The following GJA5 variants were observed in gnomAD, a reference collection of about 807,000 sequenced individuals.
The protein encoded by GJA5 is gap junction protein alpha 5.
A neutral mutation model predicts 7.9 loss-of-function variants in GJA5; 3 were observed. The observed-to-expected ratio is 0.38, with a 90% confidence interval of 0.17 to 0.99. The LOEUF (loss-of-function observed/expected upper bound fraction) is 0.99, where lower values mean the gene tolerates loss of function less well. Among genes scored for constraint, GJA5 ranks in the 50% least tolerant of loss-of-function variants. The probability of loss-of-function intolerance (pLI) is 0.38; values close to 1 mark genes in which losing one functional copy is unlikely to be tolerated. For synonymous variants in GJA5, 193 were observed against 181.0 expected, an observed-to-expected ratio of 1.07 and a Z score of -0.53; for missense variants, 390 against 457.9, an observed-to-expected ratio of 0.85 and a Z score of 1.35.
intron 1 of GJA5, among the ~76,000 whole-genome samples, chr1:147,760,246 C>T (rs1663946452): frequency 6.6e-6 from 1 of 152,128 alleles, no homozygotes; most frequent in Admixed American, 6.5e-5. Flanking sequence ...ACTTTATGTC[C>T]CTTACAAAAT....
chr1:147,758,409 C>A lies in GJA5; in HGVS notation c.830G>T (p.Gly277Val), dbSNP rs281860596. Residue 277 changes from glycine (G) to valine (V), a missense_variant, in exon 2 of 2, where the codon GGA becomes GTA. Physicochemically the swap from Gly to Val is moderately radical, Grantham distance 109. Around this residue, in one of 2 missense-constraint regions of GJA5, gnomAD observed 354 missense variants for 370.9 expected, o/e 0.95. Transcript: ENST00000579774. ...ATTGCTGAAGGGATTGAAGAATTTTCCCCCAGGGCCATTCTCCAGGCACTG... is the reference window on the plus strand; with the variant it reads ...ATTGCTGAAGGGATTGAAGAATTTTACCCCAGGGCCATTCTCCAGGCACTG... ...FNQCLENGPG[G>V]KFFNPFSNNM... 6.2e-7 allele frequency: 1 copy of A among 1,614,076 alleles called. No homozygotes were observed. Among genetic ancestry groups the A allele is most frequent in the Non-Finnish European group, 8.5e-7 (1 of 1,179,948 alleles).
intron 1 of GJA5, among the ~76,000 whole-genome samples, chr1:147,769,166 C>T (rs1415700589): frequency 6.6e-6 from 1 of 152,254 alleles, no homozygotes; most frequent in Non-Finnish European, 1.5e-5. Flanking sequence ...CCTCTGCCAT[C>T]ATTTGGCCAG....
At chr1:147,768,621 T>C (rs1664292742) in intron 1 of GJA5, among the ~76,000 whole-genome samples, 1 of 152,154 alleles carries the variant, frequency 6.6e-6, no homozygotes. Flanking sequence ...TCAATCAAAC[T>C]CAACTCCTTA....
chr1:147,771,855 G>A (rs901444516), intron 1 of GJA5, among the ~76,000 whole-genome samples: 17 of 152,160 alleles, frequency 1.1e-4, no homozygotes, highest in African/African-American at 3.6e-4. Flanking sequence ...CAGCTCTGCC[G>A]CCGGGCAACT....
chr1:147,772,080 C>T (rs946606560), intron 1 of GJA5, among the ~76,000 whole-genome samples: 10 of 152,270 alleles, frequency 6.6e-5, no homozygotes, highest in East Asian at 3.9e-4. Flanking sequence ...CACCTCCACA[C>T]GCTCCCCTTG....
In GJA5 at chr1:147,757,317, G is replaced by C. The variant is rs1423539550; in HGVS notation, c.*845C>G. On this transcript the variant is annotated 3_prime_UTR_variant, in exon 2 of 2. Transcript: ENST00000579774. ...GGAATGGCTGGGTGAACAGCCAAGG[G>C]AGAAAGGGAAGGGATGGTTTCTATC... The C allele has an allele frequency of 6.6e-6, 1 of 152,360 alleles. No homozygotes were observed. The highest frequency in any genetic ancestry group is 1.5e-5 in the Non-Finnish European group (1 of 68,154). The allele number at this position is 152,360 out of a possible 1,614,324, so 9.4% of individuals were successfully genotyped here. A position where few individuals can be genotyped will look rare whatever the true frequency, so the allele number is the denominator to read the frequency against.
At position 147,758,074 on chromosome 1, in the gene GJA5, T is replaced by C. The variant is rs1305653466; in HGVS notation, c.*88A>G. 1 of 925,458 alleles carries C rather than the reference T, an allele frequency of 1.1e-6. No individual in the cohort carries two copies. Among genetic ancestry groups the C allele is most frequent in the African/African-American group, 1.6e-5 (1 of 61,838 alleles). 57.3% of individuals were successfully genotyped at this position (925,458 alleles called of 1,614,324 possible). On this transcript the variant is annotated 3_prime_UTR_variant, in exon 2 of 2. Coordinates refer to ENST00000579774, the MANE Select transcript of GJA5 (RefSeq NM_181703.4). Reference sequence around the variant, plus strand: ...CAAAGGAGCCAAGCAGTGATGACAGTGAGAAAGCATCAGTTCAGAAGGGAC... The same window carrying C: ...CAAAGGAGCCAAGCAGTGATGACAGCGAGAAAGCATCAGTTCAGAAGGGAC...
chr1:147,759,337 A>G (rs1018844603), intron 1 of GJA5, 66 bp from the exon 2 acceptor site: 39 of 886,640 alleles, frequency 4.4e-5, no homozygotes, highest in Non-Finnish European at 6.2e-5. Flanking sequence ...TGGAATGTCT[A>G]TCATGTTCTG....
intron 1 of GJA5, among the ~76,000 whole-genome samples, chr1:147,767,580 T>TTA (rs1491074423): frequency 6.7e-6 from 1 of 149,058 alleles, no homozygotes; most frequent in Non-Finnish European, 1.5e-5. Context: ...TTTTTTTTTT[T>TTA]AGAGATGGGG....
At chr1:147,761,925 A>G (rs895531275), upstream of GJA5, among the ~76,000 whole-genome samples, 1 of 152,224 alleles carries the variant, frequency 6.6e-6, no homozygotes, top group African/African-American at 2.4e-5. Context: ...AGACAGATGC[A>G]GGAGTTAGCT....
upstream of GJA5, among the ~76,000 whole-genome samples, chr1:147,764,244 TAA>T (rs1571074068): frequency 6.6e-6 from 1 of 152,188 alleles, no homozygotes; most frequent in South Asian, 2.1e-4. Context: ...GCAAAATGGA[TAA>T]GTCTTCTAAA....
intron 1 of GJA5, 100 bp from the exon 2 acceptor site, chr1:147,759,371 A>AAT (rs1189276486): frequency 1.4e-6 from 1 of 711,272 alleles, no homozygotes; most frequent in Non-Finnish European, 2.5e-6. Flanking sequence ...CCATCCATCC[A>AAT]ATGGGTTCTT....
chr1:147,772,789 G>GAAAAAAAAA (rs10687653), intron 1 of GJA5, among the ~76,000 whole-genome samples: 1 of 125,936 alleles, frequency 7.9e-6, no homozygotes, highest in Admixed American at 8.5e-5. Context: ...GCCTTAGGGA[G>GAAAAAAAAA]AAAAAAAAAA....
chr1:147,758,326 C>T lies in GJA5; in HGVS notation c.913G>A (p.Glu305Lys), dbSNP rs782422906. 3 of 1,614,166 alleles carry T rather than the reference C, an allele frequency of 1.9e-6. No individual in the cohort carries two copies. Among genetic ancestry groups the T allele is most frequent in the East Asian group, 4.5e-5 (2 of 44,874 alleles). Reference protein sequence around the residue: ...NLVTEQVRGQEQTPGEGFIQV... With the variant: ...NLVTEQVRGQKQTPGEGFIQV... ...ATGAAACCTTCCCCAGGAGTCTGCTCCTGACCTCGTACTTGCTCGGTGACC... is the reference window on the plus strand; with the variant it reads ...ATGAAACCTTCCCCAGGAGTCTGCTTCTGACCTCGTACTTGCTCGGTGACC... Residue 305 changes from glutamate (E) to lysine (K), a missense_variant, in exon 2 of 2, where the codon GAG becomes AAG. This residue lies in a region of GJA5 where 354 missense variants were observed against 370.9 expected (regional missense o/e 0.95). Coordinates refer to ENST00000579774, the MANE Select transcript of GJA5 (RefSeq NM_181703.4).
At chr1:147,768,308 C>T (rs1664279450) in intron 1 of GJA5, among the ~76,000 whole-genome samples, 2 of 152,126 alleles carry the variant, frequency 1.3e-5, no homozygotes, top group South Asian at 4.1e-4. Context: ...ACCCTGCTGG[C>T]AGACAGTTGT....
rs115335751 is a variant in GJA5 at position 147,771,435 on chromosome 1, G to A, written c.-34+1817C>T. Among the ~76,000 whole-genome samples the A allele has an allele frequency of 8.3e-3, 1,262 of 152,224 alleles. 4 individuals are homozygous for A. Among genetic ancestry groups the A allele is most frequent in the Non-Finnish European group, 0.014 (952 of 68,002 alleles). On this transcript the variant is annotated intron_variant, in intron 1 of 1. Coordinates refer to the GJA5 transcript ENST00000430508. Reference sequence around the variant, plus strand: ...CCTGACTCACTGTGTCGTCTCCTACGAGTCATGCCCTTCTCTAGTCCTTGT... The same window carrying A: ...CCTGACTCACTGTGTCGTCTCCTACAAGTCATGCCCTTCTCTAGTCCTTGT...
At position 147,756,505 on chromosome 1, in the gene GJA5, C is replaced by G. The variant is rs1663739453; in HGVS notation, c.*1657G>C. 1 of 152,214 alleles carries G rather than the reference C, an allele frequency of 6.6e-6. No homozygotes were observed. The highest frequency in any genetic ancestry group is 2.4e-5 in the African/African-American group (1 of 41,448). The allele number at this position is 152,214 out of a possible 1,614,324, so 9.4% of individuals were successfully genotyped here. A position where few individuals can be genotyped will look rare whatever the true frequency, so the allele number is the denominator to read the frequency against. ...TAGCATCCAAGTGTCAGCAGAGGGC[C>G]CAGAGATGGGCAGGTGAGTCAGAGG... On this transcript the variant is annotated 3_prime_UTR_variant, in exon 2 of 2. Coordinates refer to ENST00000579774, the MANE Select transcript of GJA5 (RefSeq NM_181703.4).
upstream of GJA5, among the ~76,000 whole-genome samples, chr1:147,763,044 G>A (rs1475738377): frequency 6.6e-6 from 1 of 152,136 alleles, no homozygotes; most frequent in Non-Finnish European, 1.5e-5. Context: ...GTGAAACCCT[G>A]TACAGTCTTA....
chr1:147,759,942 A>G (rs1346715097), intron 1 of GJA5, among the ~76,000 whole-genome samples: 1 of 152,138 alleles, frequency 6.6e-6, no homozygotes, highest in African/African-American at 2.4e-5. Context: ...GGGATTGGCA[A>G]ATTTGGCCCC....
Sources: allele counts gnomAD v4.1 joint callset (sites outside exome capture counted in the v4.1 genomes callset), GRCh38; gene constraint gnomAD v4.1.1; regional missense constraint gnomAD v4.1.1; transcripts MANE v1.5; gene names NCBI Gene and HGNC (gene_info 2026-07-23, HGNC 2026-07-21).